The following ZNF723 variants were observed in gnomAD, a reference collection of about 807,000 sequenced individuals.
The protein encoded by ZNF723 is zinc finger protein 723.
Under a neutral mutation model 9.4 loss-of-function variants are expected in ZNF723, and 5 were observed. The observed-to-expected ratio is 0.53, with a 90% CI of 0.28 to 1.12. The LOEUF (loss-of-function observed/expected upper bound fraction) is 1.12. Ranked by LOEUF, ZNF723 falls within the 50% of genes most tolerant of loss-of-function variation. The probability of loss-of-function intolerance (pLI) is 0.10; values close to 1 mark genes in which losing one functional copy is unlikely to be tolerated. For missense variants in ZNF723, 450 were observed against 501.5 expected (o/e 0.90, Z 0.98); for synonymous variants, 158 against 168.8 (o/e 0.94, Z 0.49).
chr19:22,847,363 G>A (rs1379315959), intron 1 of ZNF723, among the ~76,000 whole-genome samples: 1 of 151,594 alleles, frequency 6.6e-6, no homozygotes, highest in Non-Finnish European at 1.5e-5. Context: ...TCTGTCCTTG[G>A]AAAATGAAGA....
At chr19:22,812,721 G>A in the ZNF723 span, among the ~76,000 whole-genome samples, 3 of 152,074 alleles carry the variant, frequency 2.0e-5, no homozygotes, top group African/African-American at 4.8e-5. Flanking sequence ...CACTGTTGAG[G>A]TCCCAAGTCT....
chr19:22,839,455 G>GT (rs35168258), intron 1 of ZNF723, among the ~76,000 whole-genome samples: 10 of 138,644 alleles, frequency 7.2e-5, no homozygotes, highest in Admixed American at 2.9e-4. Flanking sequence ...TTGCCAGCAT[G>GT]TTTTTTTTTG....
At chr19:22,823,152 A>G in the ZNF723 span, among the ~76,000 whole-genome samples, 4 of 152,176 alleles carry the variant, frequency 2.6e-5, no homozygotes, top group South Asian at 8.3e-4. Flanking sequence ...ATGAGTTTAT[A>G]CCAGCACATA....
intron 1 of ZNF723, among the ~76,000 whole-genome samples, chr19:22,833,430 C>T (rs1023149167): frequency 4.6e-5 from 7 of 152,070 alleles, no homozygotes; most frequent in Non-Finnish European, 5.9e-5. Flanking sequence ...GGAGTACAGG[C>T]GTGAGCCACC....
chr19:22,833,419 G>A (rs1967123151), intron 1 of ZNF723, among the ~76,000 whole-genome samples: 1 of 151,974 alleles, frequency 6.6e-6, no homozygotes, highest in Non-Finnish European at 1.5e-5. Context: ...CCAAAGTGCT[G>A]GGAGTACAGG....
chr19:22,856,998 G>A (rs375470780), intron 3 of ZNF723, 120 bp from the exon 4 acceptor site: 26 of 485,454 alleles, frequency 5.4e-5, no homozygotes, highest in African/African-American at 3.6e-4. Context: ...AGTAATTATG[G>A]CCTATGGTAT....
chr19:22,829,590 G>A (rs868442746), upstream of ZNF723, among the ~76,000 whole-genome samples: 4 of 152,100 alleles, frequency 2.6e-5, no homozygotes, highest in Middle Eastern at 3.2e-3. Flanking sequence ...CGGCCAATAA[G>A]TACATTTTTG....
intron 1 of ZNF723, among the ~76,000 whole-genome samples, chr19:22,847,526 T>TG (rs1046757999): frequency 7.8e-5 from 11 of 140,190 alleles, no homozygotes; most frequent in Admixed American, 6.3e-4. Flanking sequence ...CCAGATGTTC[T>TG]GGAAAAAAAA....
upstream of ZNF723, among the ~76,000 whole-genome samples, chr19:22,831,964 G>A (rs1352547440): frequency 6.6e-6 from 1 of 151,872 alleles, no homozygotes; most frequent in African/African-American, 2.4e-5. Flanking sequence ...AAGAACTGAA[G>A]CCAGGAAGGT....
chr19:22,824,358 G>GTGCA, the ZNF723 span, among the ~76,000 whole-genome samples: 1 of 152,010 alleles, frequency 6.6e-6, no homozygotes, highest in Non-Finnish European at 1.5e-5. Context: ...CCTGCTCATA[G>GTGCA]TGCAGATTGA....
intron 3 of ZNF723, among the ~76,000 whole-genome samples, chr19:22,854,907 C>T (rs1417725670): frequency 1.3e-5 from 2 of 151,974 alleles, no homozygotes; most frequent in African/African-American, 4.8e-5. Context: ...AGTTTCCAGG[C>T]GTGGTGGCAC....
At chr19:22,833,943 TTTTTTC>T (rs1429145472) in intron 1 of ZNF723, among the ~76,000 whole-genome samples, 1 of 143,220 alleles carries the variant, frequency 7.0e-6, no homozygotes, top group Non-Finnish European at 1.5e-5. Flanking sequence ...TTTTTTTTTT[TTTTTTC>T]CGAGTCTCCT....
the ZNF723 span, among the ~76,000 whole-genome samples, chr19:22,817,436 G>A: frequency 9.9e-5 from 15 of 152,034 alleles, no homozygotes; most frequent in South Asian, 6.2e-4. Flanking sequence ...CTCCTCTTCC[G>A]CTTGCACTCT....
chr19:22,848,835 A>C (rs1208044254), intron 2 of ZNF723, among the ~76,000 whole-genome samples: 1 of 151,744 alleles, frequency 6.6e-6, no homozygotes, highest in Non-Finnish European at 1.5e-5. Flanking sequence ...GCTCACTGCA[A>C]TCCTCACCTC....
chr19:22,812,954 T>TTTTTG, the ZNF723 span, among the ~76,000 whole-genome samples: 10 of 151,304 alleles, frequency 6.6e-5, no homozygotes, highest in South Asian at 2.1e-4. Flanking sequence ...AAGGTGTTTT[T>TTTTTG]TTTGTTTGTT....
rs1292520646 is a variant in ZNF723 at position 22,835,207 on chromosome 19, A to G, written c.3+2825A>G. ...AGGCGCCTGCCACCACACCCAGCTA[A>G]TTTTTGTATTTTTTAGCAGAGACGG... is the stretch of plus-strand genomic sequence containing the variant. On this transcript the variant is annotated intron_variant, in intron 1 of 3. Transcript: ENST00000600766. 2.0e-5 allele frequency among the ~76,000 whole-genome samples: 3 copies of G among 151,554 alleles called. No individual in the cohort carries two copies. In the East Asian group the frequency reaches 5.9e-4, roughly 30 times the overall value.
At position 22,857,150 on chromosome 19, in the gene ZNF723, C is replaced by G; in HGVS notation, c.259C>G (p.Pro87Ala). The change falls in exon 4 of 4, where the codon CCA (proline) becomes GCA (alanine). Residue 87 changes from proline to alanine, a missense_variant. Around this residue, in one of 5 missense-constraint regions of ZNF723, gnomAD observed 143 missense variants for 101.3 expected, o/e 1.41. Coordinates refer to ENST00000600766, the MANE Select transcript of ZNF723 (RefSeq NM_001349726.2). ...TTCTCATTTTGCCCAAGACCTTTGG[C>G]CAGAGCAGGGCATAAAAGATTCTTT... ...VCSHFAQDLW[P>A]EQGIKDSFQK... The G allele has an allele frequency of 1.0e-6, 1 of 1,004,174 alleles. No individual in the cohort carries two copies. Among genetic ancestry groups the G allele is most frequent in the Non-Finnish European group, 1.5e-6 (1 of 675,980 alleles). The allele number at this position is 1,004,174 out of a possible 1,614,324, so 62.2% of individuals were successfully genotyped here.
chr19:22,825,294 A>G, the ZNF723 span, among the ~76,000 whole-genome samples: 1 of 152,314 alleles, frequency 6.6e-6, no homozygotes, highest in East Asian at 1.9e-4. Context: ...CAGATCCGAT[A>G]TATCATTGAA....
the ZNF723 span, among the ~76,000 whole-genome samples, chr19:22,820,057 A>G: frequency 6.6e-6 from 1 of 152,018 alleles, no homozygotes; most frequent in African/African-American, 2.4e-5. Flanking sequence ...TGGACCAAGC[A>G]CCCAGGTGAT....
Sources: gnomAD v4.1 joint callset for allele counts (sites outside exome capture counted in the v4.1 genomes callset) on GRCh38, gnomAD v4.1.1 for gene constraint, gnomAD v4.1.1 regional missense constraint, MANE v1.5 for transcripts, NCBI Gene and HGNC (gene_info 2026-07-23, HGNC 2026-07-21) for gene names.